Variants in FRRS1L observed in about 807,000 individuals in gnomAD.
The protein encoded by FRRS1L is DOMON domain-containing protein FRRS1L.
A neutral mutation model predicts 28.6 loss-of-function variants in FRRS1L; 22 were observed. The observed-to-expected ratio is 0.77, with a 90% confidence interval of 0.55 to 1.10. The LOEUF is 1.10. Among genes scored for constraint, FRRS1L ranks in the 50% least tolerant of loss-of-function variants. The probability of loss-of-function intolerance (pLI) is 0.00; values close to 1 mark genes in which losing one functional copy is unlikely to be tolerated. For synonymous variants in FRRS1L, 158 were observed against 151.4 expected, an observed-to-expected ratio of 1.04 and a Z score of -0.32; for missense variants, 380 against 386.9, an observed-to-expected ratio of 0.98 and a Z score of 0.15.
Position 109,167,148 on chromosome 9 carries a change from C to T in FRRS1L, c.-10G>A. The T allele has an allele frequency of 1.7e-6, 2 of 1,144,014 alleles. No homozygotes were observed. Among genetic ancestry groups the T allele is most frequent in the Admixed American group, 4.8e-5 (1 of 20,622 alleles). The allele number at this position is 1,144,014 out of a possible 1,614,324, so 70.9% of individuals were successfully genotyped here. On this transcript the variant is annotated 5_prime_UTR_variant, in exon 1 of 5. It adds an upstream start codon to the 5' untranslated region. Coordinates refer to ENST00000561981, the MANE Select transcript of FRRS1L (RefSeq NM_014334.4). ...GGGGCGGCCGCGCCATCCGTGCGCA[C>T]AGATCCCGCAGCCAGGCCGCTCGGG...
chr9:109,155,068 C>T (rs1831387020), intron 1 of FRRS1L, among the ~76,000 whole-genome samples: 2 of 152,208 alleles, frequency 1.3e-5, no homozygotes, highest in Non-Finnish European at 2.9e-5. Flanking sequence ...CAATTTCTCA[C>T]TCTGCCAACA....
At chr9:109,161,042 G>GCCATCAT (rs1831474810) in intron 1 of FRRS1L, among the ~76,000 whole-genome samples, 1 of 151,576 alleles carries the variant, frequency 6.6e-6, no homozygotes, top group Admixed American at 6.6e-5. Flanking sequence ...CTGCCGCCTC[G>GCCATCAT]GCTTCCCAAC....
At chr9:109,141,770 G>T (rs1254631758) in intron 3 of FRRS1L, among the ~76,000 whole-genome samples, 181 bp from the exon 4 acceptor site, 1 of 152,070 alleles carries the variant, frequency 6.6e-6, no homozygotes, top group Non-Finnish European at 1.5e-5. Context: ...GTGACATTCA[G>T]TGCCTCCTGA....
intron 1 of FRRS1L, among the ~76,000 whole-genome samples, chr9:109,166,458 G>A (rs1382323270): frequency 6.6e-6 from 1 of 152,124 alleles, no homozygotes; most frequent in East Asian, 1.9e-4. Flanking sequence ...AGACAGGGAG[G>A]AAATAAGGCA....
intron 4 of FRRS1L, chr9:109,140,491 G>A (rs2118465452): frequency 6.6e-6 from 1 of 152,364 alleles, no homozygotes; most frequent in South Asian, 2.1e-4. Flanking sequence ...GAGGGGAGGA[G>A]AGAGGGGAAG....
chr9:109,145,465 G>C (rs1165853834), intron 3 of FRRS1L, among the ~76,000 whole-genome samples: 1 of 152,162 alleles, frequency 6.6e-6, no homozygotes, highest in African/African-American at 2.4e-5. Context: ...TGGGAGGCTG[G>C]GGTGGGCAGA....
At chr9:109,152,921 A>G (rs1831353614) in intron 1 of FRRS1L, among the ~76,000 whole-genome samples, 1 of 150,132 alleles carries the variant, frequency 6.7e-6, no homozygotes, top group African/African-American at 2.5e-5. Flanking sequence ...TAGTTTATTC[A>G]TGTTGGCAAA....
chr9:109,162,260 G>C (rs188166465), intron 1 of FRRS1L, among the ~76,000 whole-genome samples: 5 of 152,336 alleles, frequency 3.3e-5, no homozygotes, highest in Admixed American at 3.3e-4. Context: ...AGGTTGCAGT[G>C]AGCTGAGATC....
intron 4 of FRRS1L, 68 bp downstream of exon 4, chr9:109,141,275 T>G: frequency 6.3e-7 from 1 of 1,575,034 alleles, no homozygotes; most frequent in East Asian, 2.2e-5. Flanking sequence ...CAGTGTGACT[T>G]CAATTAACAA....
At position 109,133,354 on chromosome 9, in the gene FRRS1L, T is replaced by C. The variant is rs1413253670; in HGVS notation, c.*4101A>G. On this transcript the variant is annotated 3_prime_UTR_variant, in exon 5 of 5. Coordinates refer to ENST00000561981, the MANE Select transcript of FRRS1L (RefSeq NM_014334.4). ...GCTTTTAAGCAGAAAAGAAAGTTGA[T>C]ATAGAGTAAAACATGCTCCTTTCCT... The C allele has an allele frequency of 6.6e-6, 1 of 152,238 alleles. No homozygotes were observed. The highest frequency in any genetic ancestry group is 1.5e-5 in the Non-Finnish European group (1 of 68,036). 9.4% of individuals were successfully genotyped at this position (152,238 alleles called of 1,614,324 possible). A position where few individuals can be genotyped will look rare whatever the true frequency, so the allele number is the denominator to read the frequency against.
At chr9:109,160,751 C>T (rs965246918) in intron 1 of FRRS1L, among the ~76,000 whole-genome samples, 1 of 151,284 alleles carries the variant, frequency 6.6e-6, no homozygotes, top group Non-Finnish European at 1.5e-5. Flanking sequence ...GCTTCTCTCT[C>T]ACTCCTTCTG....
chr9:109,166,993 T>TC lies in FRRS1L; in HGVS notation c.145dup (p.Asp49GlyfsTer56), dbSNP rs933379958. On this transcript the variant is annotated frameshift_variant, in exon 1 of 5. Coordinates refer to ENST00000561981, the MANE Select transcript of FRRS1L (RefSeq NM_014334.4). LOFTEE classifies it high-confidence loss of function. ...CGGCACCGCCTCGTCGGCGCCCGTGTCCCCCCGCGCGCGTCCCCGGGGTCC... is the reference window on the plus strand; with the variant it reads ...CGGCACCGCCTCGTCGGCGCCCGTGTCCCCCCCGCGCGCGTCCCCGGGGTCC... The TC allele has an allele frequency of 9.5e-6, 12 of 1,261,150 alleles. No individual in the cohort carries two copies. The highest frequency in any genetic ancestry group is 3.1e-5 in the African/African-American group (2 of 63,710). 78.1% of individuals were successfully genotyped at this position (1,261,150 alleles called of 1,614,324 possible).
chr9:109,165,663 C>T (rs1831539560), intron 1 of FRRS1L, among the ~76,000 whole-genome samples: 1 of 152,222 alleles, frequency 6.6e-6, no homozygotes, highest in Non-Finnish European at 1.5e-5. Context: ...TATGTCTCAG[C>T]TAATAGGCTC....
rs1260136644 is a variant in FRRS1L, at chr9:109,149,661, A to G, written c.298T>C (p.Cys100Arg). ...CTAAAGCATCCCTTAGTTTTTCCACAGTCGTCCACTTTGATTTTGGCAAAT... is the reference window on the plus strand; with the variant it reads ...CTAAAGCATCCCTTAGTTTTTCCACGGTCGTCCACTTTGATTTTGGCAAAT... ...DPFAKIKVDD[C>R]GKTKGCFRYG... Residue 100 changes from cysteine (C) to arginine (R), a missense_variant, in exon 2 of 5, where the codon TGT becomes CGT. Transcript: ENST00000561981. The G allele has an allele frequency of 6.2e-7, 1 of 1,613,288 alleles. No individual in the cohort carries two copies. The highest frequency in any genetic ancestry group is 2.2e-5 in the East Asian group (1 of 44,890).
chr9:109,166,222 C>T (rs1406603896), intron 1 of FRRS1L, among the ~76,000 whole-genome samples: 2 of 152,138 alleles, frequency 1.3e-5, no homozygotes, highest in East Asian at 1.9e-4. Context: ...CTTTTGTGCT[C>T]GTTGAAGCAG....
rs899038011 is a variant in FRRS1L, at chr9:109,167,050, G to C, written c.89C>G (p.Pro30Arg). The change falls in exon 1 of 5, where the codon CCC becomes CGC. Residue 30 changes from proline to arginine, a missense_variant. Pro to Arg is a moderately radical substitution (Grantham distance 103). Coordinates refer to ENST00000561981, the MANE Select transcript of FRRS1L (RefSeq NM_014334.4). ...LTGPAACAAS[P>R]ADDGAGPGGR... is the part of the protein sequence containing the mutation. ...CCCCGGGCCCGCACCGTCGTCCGCG[G>C]GGCTGGCTGCGCAGGCGGCGGGCCC... 8.4e-7 allele frequency: 1 copy of C among 1,192,538 alleles called. No individual in the cohort carries two copies. The highest frequency in any genetic ancestry group is 1.0e-6 in the Non-Finnish European group (1 of 966,056). The allele number at this position is 1,192,538 out of a possible 1,614,324, so 73.9% of individuals were successfully genotyped here.
intron 1 of FRRS1L, among the ~76,000 whole-genome samples, chr9:109,165,760 G>A (rs757295046): frequency 9.2e-5 from 14 of 152,150 alleles, no homozygotes; most frequent in Admixed American, 2.0e-4. Flanking sequence ...TGAAACTTCC[G>A]AGTAATCCCT....
Position 109,137,345 on chromosome 9 carries a change from G to GT in FRRS1L, c.*109dup, listed in dbSNP as rs1203958354. The GT allele has an allele frequency of 7.1e-5, 46 of 646,958 alleles. No homozygotes were observed. Among genetic ancestry groups the GT allele is most frequent in the Non-Finnish European group, 8.7e-5 (37 of 425,938 alleles). 40.1% of individuals were successfully genotyped at this position (646,958 alleles called of 1,614,324 possible). A position where few individuals can be genotyped will look rare whatever the true frequency, so the allele number is the denominator to read the frequency against. On this transcript the variant is annotated 3_prime_UTR_variant, in exon 5 of 5. Coordinates refer to ENST00000561981, the MANE Select transcript of FRRS1L (RefSeq NM_014334.4). The stretch of plus-strand genomic sequence containing the variant: ...TTCCAAAAAGCTGAAATTATATGAG[G>GT]TTTTTTTTCTTAAATAATTGAAGCT...
chr9:109,137,767 T>C (rs552015200), intron 4 of FRRS1L, 140 bp from the exon 5 acceptor site: 3 of 445,616 alleles, frequency 6.7e-6, no homozygotes, highest in East Asian at 6.5e-5. Context: ...ATTCAGGTAT[T>C]TGAGTTATCA....
Sources: gnomAD v4.1 joint callset for allele counts (sites outside exome capture counted in the v4.1 genomes callset) on GRCh38, gnomAD v4.1.1 for gene constraint, MANE v1.5 for transcripts, NCBI Gene and HGNC (gene_info 2026-07-23, HGNC 2026-07-21) for gene names.